Variants in ZSWIM5 observed in about 807,000 individuals in gnomAD.
ZSWIM5 encodes zinc finger SWIM-type containing 5.
In ZSWIM5, 55 loss-of-function variants were observed where a neutral mutation model predicts 119.6. That is an observed-to-expected ratio of 0.46 (90% confidence interval 0.37 to 0.58). The LOEUF is 0.58. Among genes scored for constraint, ZSWIM5 ranks in the 20% least tolerant of loss-of-function variants. The pLI is 0.00. For synonymous variants in ZSWIM5, 537 were observed against 606.9 expected (o/e 0.88, Z 1.69); for missense variants, 1,193 against 1,512.8 (o/e 0.79, Z 3.51).
intron 6 of ZSWIM5, among the ~76,000 whole-genome samples, chr1:45,040,742 C>T (rs971096779): frequency 1.3e-5 from 2 of 152,146 alleles, no homozygotes; most frequent in African/African-American, 4.8e-5. Flanking sequence ...ACCTTGCAGC[C>T]TCAGCGTGGT....
At chr1:45,082,206 C>A (rs1040941812) in intron 2 of ZSWIM5, among the ~76,000 whole-genome samples, 1 of 151,700 alleles carries the variant, frequency 6.6e-6, no homozygotes, top group Non-Finnish European at 1.5e-5. Flanking sequence ...CCGCAGGGTC[C>A]TCTGCCTAGG....
intron 1 of ZSWIM5, among the ~76,000 whole-genome samples, chr1:45,177,818 T>C (rs1209478740): frequency 5.9e-5 from 9 of 152,022 alleles, no homozygotes; most frequent in Non-Finnish European, 1.3e-4. Context: ...CTTAATACAA[T>C]GCATTCTATG....
chr1:45,096,622 A>C (rs902320812), intron 1 of ZSWIM5, among the ~76,000 whole-genome samples: 1 of 152,102 alleles, frequency 6.6e-6, no homozygotes, highest in Admixed American at 6.5e-5. Context: ...TAAAGCACCA[A>C]ACATTTTCAA....
rs956797157 is a variant in ZSWIM5 at position 45,072,738 on chromosome 1, T to C, written c.953-12491A>G. The stretch of plus-strand genomic sequence containing the variant: ...GTAACAAATGAGTTCAGTGTACGTG[T>C]GTGGATTTGTTTCTAGGTTTTCTAT... On this transcript the variant is annotated intron_variant, in intron 2 of 13. Coordinates refer to ENST00000359600, the MANE Select transcript of ZSWIM5 (RefSeq NM_020883.2). The surrounding 1 kb of genome is among the most constrained non-coding windows in gnomAD (Gnocchi z 4.1). Among the ~76,000 whole-genome samples, 3 of 151,984 alleles carry C rather than the reference T, an allele frequency of 2.0e-5. No homozygotes were observed. Among genetic ancestry groups the C allele is most frequent in the African/African-American group, 7.3e-5 (3 of 41,250 alleles).
At chr1:45,160,961 A>G (rs1245325144) in intron 1 of ZSWIM5, among the ~76,000 whole-genome samples, 1 of 148,544 alleles carries the variant, frequency 6.7e-6, no homozygotes, top group Non-Finnish European at 1.5e-5. Context: ...AGCTGGGACT[A>G]CAAGCGCCTG....
intron 1 of ZSWIM5, among the ~76,000 whole-genome samples, chr1:45,108,049 G>A (rs1645492788): frequency 6.6e-6 from 1 of 152,070 alleles, no homozygotes. Context: ...TCCTGCCTCG[G>A]CCTCCCAAAG....
At chr1:45,109,120 T>C (rs1205771935) in intron 1 of ZSWIM5, among the ~76,000 whole-genome samples, 1 of 152,220 alleles carries the variant, frequency 6.6e-6, no homozygotes, top group Non-Finnish European at 1.5e-5. Context: ...TCAAAACAAA[T>C]TCAGTTAGGA....
At chr1:45,154,913 A>G (rs1282692877) in intron 1 of ZSWIM5, among the ~76,000 whole-genome samples, 2 of 152,156 alleles carry the variant, frequency 1.3e-5, no homozygotes, top group Non-Finnish European at 2.9e-5. Flanking sequence ...AGATGGATTA[A>G]GGACTTAAAT....
chr1:45,188,108 G>T (rs1490372205), intron 1 of ZSWIM5, among the ~76,000 whole-genome samples: 1 of 152,092 alleles, frequency 6.6e-6, no homozygotes, highest in Non-Finnish European at 1.5e-5. Context: ...ATACCCAAGA[G>T]AAATGAAAAC....
chr1:45,092,437 C>T (rs1645372366), intron 1 of ZSWIM5, among the ~76,000 whole-genome samples: 4 of 151,444 alleles, frequency 2.6e-5, no homozygotes, highest in Middle Eastern at 3.4e-3. Flanking sequence ...GCTGGGATTA[C>T]AGGTGCCTGC....
chr1:45,062,341 AC>A (rs1467842038), intron 2 of ZSWIM5, among the ~76,000 whole-genome samples: 4 of 151,462 alleles, frequency 2.6e-5, no homozygotes, highest in African/African-American at 9.7e-5. Flanking sequence ...CAACAAAGCT[AC>A]TCCTTTGCTA....
intron 2 of ZSWIM5, among the ~76,000 whole-genome samples, chr1:45,068,148 G>A (rs1645197310): frequency 7.0e-6 from 1 of 141,992 alleles, no homozygotes; most frequent in Non-Finnish European, 1.5e-5. Context: ...TATTGCCCAG[G>A]CTGGAGTGCA....
chr1:45,027,555 C>T (rs543087986), intron 11 of ZSWIM5, among the ~76,000 whole-genome samples: 37 of 151,952 alleles, frequency 2.4e-4, no homozygotes, highest in African/African-American at 8.2e-4. Context: ...TGCCACCATG[C>T]CAAGCTAATT....
At chr1:45,044,772 TA>T (rs1645040226) in intron 5 of ZSWIM5, among the ~76,000 whole-genome samples, 1 of 2,280 alleles carries the variant, frequency 4.4e-4, no homozygotes, top group South Asian at 0.015. Flanking sequence ...TATATATATA[TA>T]TAAATATATA....
At chr1:45,080,504 T>C (rs187568588) in intron 2 of ZSWIM5, among the ~76,000 whole-genome samples, 14 of 152,136 alleles carry the variant, frequency 9.2e-5, no homozygotes, top group South Asian at 2.1e-4. Context: ...TGCTGGGCGA[T>C]TGGGGAGGTG....
In ZSWIM5 at chr1:45,022,031, A is replaced by AT. The variant is rs1230535468; in HGVS notation, c.2450-1244_2450-1243insA. On this transcript the variant is annotated intron_variant, in intron 11 of 13. Transcript: ENST00000359600. The stretch of plus-strand genomic sequence containing the variant: ...AGTGAGACTCCGTCTCAAAAAAAAA[A>AT]AAATAAATAAGAGTTCAATAACTTC... Among the ~76,000 whole-genome samples the AT allele has an allele frequency of 9.5e-4, 144 of 151,496 alleles. 1 individual carries two copies. Among genetic ancestry groups the AT allele is most frequent in the East Asian group, 1.9e-3 (10 of 5,150 alleles).
intron 2 of ZSWIM5, among the ~76,000 whole-genome samples, chr1:45,077,746 G>A (rs371650286): frequency 3.3e-5 from 5 of 152,180 alleles, no homozygotes; most frequent in African/African-American, 1.2e-4. Context: ...AGACAGGTAC[G>A]CCCCGGGGGG....
At position 45,087,870 on chromosome 1, in the gene ZSWIM5, TG is replaced by T; in HGVS notation, c.952+10del. On this transcript the variant is annotated intron_variant, in intron 2 of 13. Transcript: ENST00000359600. The stretch of plus-strand genomic sequence containing the variant: ...AGACCTTTTTTTTCAATAAAAAAGT[TG>T]TACAATTACCATTCACTTGGTTGAT... 4 of 1,574,044 alleles carry T rather than the reference TG, an allele frequency of 2.5e-6. No individual in the cohort carries two copies. Among genetic ancestry groups the T allele is most frequent in the Non-Finnish European group, 3.5e-6 (4 of 1,158,670 alleles).
At chr1:45,047,711 G>C (rs1645064111) in intron 5 of ZSWIM5, among the ~76,000 whole-genome samples, 1 of 152,184 alleles carries the variant, frequency 6.6e-6, no homozygotes, top group Admixed American at 6.5e-5. Flanking sequence ...GGAAGAGGCA[G>C]AGTAGATGGG....
Sources: allele counts gnomAD v4.1 joint callset (sites outside exome capture counted in the v4.1 genomes callset), GRCh38; gene constraint gnomAD v4.1.1; non-coding constraint Gnocchi (gnomAD v3.1); transcripts MANE v1.5; gene names NCBI Gene and HGNC (gene_info 2026-07-23, HGNC 2026-07-21).